Variants in TRAF3IP2 observed in about 807,000 individuals in gnomAD.
TRAF3IP2 encodes TRAF3 interacting protein 2, also known as E3 ubiquitin ligase TRAF3IP2.
Under a neutral mutation model 57.9 loss-of-function variants are expected in TRAF3IP2, and 35 were observed. The ratio of observed to expected loss-of-function variants is 0.60; its 90% CI spans 0.46 to 0.80. The LOEUF (loss-of-function observed/expected upper bound fraction) is 0.80, where lower values mean the gene tolerates loss of function less well. TRAF3IP2 is among the 30% of genes least tolerant of loss of function. TRAF3IP2 has a pLI of 0.00. For missense variants in TRAF3IP2, 556 were observed against 706.4 expected, an observed-to-expected ratio of 0.79 and a Z score of 2.41; for synonymous variants, 251 against 268.9, an observed-to-expected ratio of 0.93 and a Z score of 0.65.
At chr6:111,604,364 CCA>C (rs1460399414) in intron 1 of TRAF3IP2, among the ~76,000 whole-genome samples, 1 of 152,202 alleles carries the variant, frequency 6.6e-6, no homozygotes, top group Non-Finnish European at 1.5e-5. Flanking sequence ...ATTAAAGGCC[CCA>C]CACACAGTGA....
intron 1 of TRAF3IP2, chr6:111,601,297 A>G: frequency 1.4e-6 from 1 of 705,928 alleles, no homozygotes; most frequent in South Asian, 1.5e-5. Flanking sequence ...ACAAGAGGAT[A>G]CAGATGAGGC....
intron 5 of TRAF3IP2, among the ~76,000 whole-genome samples, chr6:111,568,165 G>A (rs534200637): frequency 1.3e-5 from 2 of 152,284 alleles, no homozygotes; most frequent in Admixed American, 1.3e-4. Context: ...ATGGTATTAT[G>A]TACAGTTTCA....
chr6:111,595,450 G>A (rs904425693), intron 1 of TRAF3IP2, among the ~76,000 whole-genome samples: 1 of 152,184 alleles, frequency 6.6e-6, no homozygotes, highest in African/African-American at 2.4e-5. Flanking sequence ...TCAATGCTGT[G>A]TATCCCCCTT....
intron 3 of TRAF3IP2, 112 bp from the exon 4 acceptor site, chr6:111,575,933 C>T: frequency 1.0e-6 from 1 of 988,706 alleles, no homozygotes; most frequent in Non-Finnish European, 1.5e-6. Context: ...CTCTCCTCTG[C>T]CTCTATTTCT....
chr6:111,601,162 GATTCTGTAATAAATATGCTTCAGAGCC>G (rs760780590), intron 1 of TRAF3IP2: 11 of 773,724 alleles, frequency 1.4e-5, no homozygotes, highest in Non-Finnish European at 2.4e-5. Flanking sequence ...ACCCCTAGGA[GATTCTGTAATAAATATGCTTCAGAGCC>G]ATTCACCTTG....
At chr6:111,567,078 C>G in intron 6 of TRAF3IP2, 1 of 647,900 alleles carries the variant, frequency 1.5e-6, no homozygotes, top group Non-Finnish European at 1.9e-6. Context: ...CCGTCCCCCA[C>G]TGGCTCCCTC....
chr6:111,588,317 C>G (rs1013077420), intron 2 of TRAF3IP2, among the ~76,000 whole-genome samples: 1 of 152,124 alleles, frequency 6.6e-6, no homozygotes, highest in Non-Finnish European at 1.5e-5. Flanking sequence ...TCTCCCCAAC[C>G]CCCTAACAGA....
At chr6:111,597,609 A>G (rs1796730720) in intron 1 of TRAF3IP2, among the ~76,000 whole-genome samples, 1 of 152,212 alleles carries the variant, frequency 6.6e-6, no homozygotes, top group Admixed American at 6.5e-5. Flanking sequence ...AAAAATACTA[A>G]ACATTAAAAA....
At chr6:111,567,545 G>A (rs1795692300) in intron 6 of TRAF3IP2, 79 bp downstream of exon 6, 2 of 1,480,716 alleles carry the variant, frequency 1.4e-6, no homozygotes, top group East Asian at 4.8e-5. Flanking sequence ...GTATGCCAGG[G>A]TTTCTTTAAT....
chr6:111,585,078 C>T (rs1209029142), intron 2 of TRAF3IP2, among the ~76,000 whole-genome samples: 2 of 152,182 alleles, frequency 1.3e-5, no homozygotes, highest in Non-Finnish European at 2.9e-5. Context: ...TAGGTTTCAG[C>T]TCAGATGTCT....
Position 111,555,974 on chromosome 6 carries a change from G to T in TRAF3IP2, c.*3431C>A, listed in dbSNP as rs1795226237. Among the ~76,000 whole-genome samples the T allele has an allele frequency of 6.6e-6, 1 of 152,110 alleles. No individual in the cohort carries two copies. Among genetic ancestry groups the T allele is most frequent in the Non-Finnish European group, 1.5e-5 (1 of 68,026 alleles). The stretch of plus-strand genomic sequence containing the variant: ...AAAAATTAGCCGGGCATGGTGGCAG[G>T]TGCCTGTAGTCACAGCTACTCGAGA... On this transcript the variant is annotated 3_prime_UTR_variant, in exon 9 of 9. Transcript: ENST00000368761.
chr6:111,559,207 G>T lies in TRAF3IP2; in HGVS notation c.*198C>A. 1.6e-6 allele frequency: 1 copy of T among 610,668 alleles called. No individual in the cohort carries two copies. The highest frequency in any genetic ancestry group is 2.7e-6 in the Non-Finnish European group (1 of 367,324). 37.8% of individuals were successfully genotyped at this position (610,668 alleles called of 1,614,324 possible). On this transcript the variant is annotated 3_prime_UTR_variant, in exon 9 of 9. Coordinates refer to ENST00000368761, the MANE Select transcript of TRAF3IP2 (RefSeq NM_147686.4). ...AAGCAGAGAATGCAGAGCAGTCACA[G>T]ACTCCACTTCAAAGCCAGGGTGTGT... is the stretch of plus-strand genomic sequence containing the variant.
chr6:111,579,978 G>A (rs947360038), intron 3 of TRAF3IP2, among the ~76,000 whole-genome samples: 1 of 152,160 alleles, frequency 6.6e-6, no homozygotes, highest in Non-Finnish European at 1.5e-5. Context: ...AGAGAATTTC[G>A]ACTAGTCACT....
chr6:111,577,156 T>C (rs906088895), intron 3 of TRAF3IP2: 7 of 151,316 alleles, frequency 4.6e-5, no homozygotes, highest in East Asian at 3.8e-4. Context: ...TTTCTTTTTT[T>C]TTTTTATTTC....
At chr6:111,588,585 T>C (rs977619015) in intron 2 of TRAF3IP2, among the ~76,000 whole-genome samples, 2 of 152,250 alleles carry the variant, frequency 1.3e-5, no homozygotes, top group Non-Finnish European at 2.9e-5. Flanking sequence ...AGTGCTTTTT[T>C]TGTCTATCAC....
Position 111,587,468 on chromosome 6 carries a change from T to C in TRAF3IP2, c.829+3790A>G, listed in dbSNP as rs192143070. Among the ~76,000 whole-genome samples the C allele has an allele frequency of 1.9e-3, 283 of 152,250 alleles. 1 individual carries two copies. Among genetic ancestry groups the C allele is most frequent in the Middle Eastern group, 3.4e-3 (1 of 294 alleles). ...CAACATTTCACCATATTGGCCAGGC[T>C]GGTCTTGAACTCCTGACCTCAAGTG... On this transcript the variant is annotated intron_variant, in intron 2 of 8. Transcript: ENST00000368761.
intron 1 of TRAF3IP2, among the ~76,000 whole-genome samples, chr6:111,596,272 T>A (rs904089744): frequency 1.3e-5 from 2 of 152,156 alleles, no homozygotes; most frequent in Non-Finnish European, 2.9e-5. Flanking sequence ...GAATATAAAC[T>A]TCCTAAGGGT....
chr6:111,591,229 A>C lies in TRAF3IP2; in HGVS notation c.829+29T>G, dbSNP rs1290976447. 6.9e-7 allele frequency: 1 copy of C among 1,448,440 alleles called. No individual in the cohort carries two copies. Among genetic ancestry groups the C allele is most frequent in the East Asian group, 2.3e-5 (1 of 42,976 alleles). 89.7% of individuals were successfully genotyped at this position (1,448,440 alleles called of 1,614,324 possible). A position where few individuals can be genotyped will look rare whatever the true frequency, so the allele number is the denominator to read the frequency against. On this transcript the variant is annotated intron_variant, in intron 2 of 8. Coordinates refer to ENST00000368761, the MANE Select transcript of TRAF3IP2 (RefSeq NM_147686.4). This position sits in a 1 kb window ranked among gnomAD's most constrained non-coding sequence, Gnocchi z 4.9. ...TTGTTTCTTCAGTCACCCAGCCCAG[A>C]ATGCCCAGAGGAGGTAAAGATCACT...
intron 2 of TRAF3IP2, 76 bp from the exon 3 acceptor site, chr6:111,580,465 T>G: frequency 7.3e-7 from 1 of 1,369,244 alleles, no homozygotes; most frequent in Non-Finnish European, 9.8e-7. Context: ...ATAAGCTCCA[T>G]GCTCATTTGT....
Sources: gnomAD v4.1 joint callset for allele counts (sites outside exome capture counted in the v4.1 genomes callset) on GRCh38, gnomAD v4.1.1 for gene constraint, Gnocchi (gnomAD v3.1) non-coding constraint, MANE v1.5 for transcripts, NCBI Gene and HGNC (gene_info 2026-07-23, HGNC 2026-07-21) for gene names.